FUT8: variants seen among roughly 807,000 people sequenced by gnomAD.
FUT8 encodes the protein alpha-(1,6)-fucosyltransferase.
A neutral mutation model predicts 71.3 loss-of-function variants in FUT8; 29 were observed. The ratio of observed to expected loss-of-function variants is 0.41; its 90% CI spans 0.30 to 0.55. The LOEUF (loss-of-function observed/expected upper bound fraction) is 0.55. Ranked by LOEUF, FUT8 falls within the 20% of genes least tolerant of loss-of-function variation. The probability of loss-of-function intolerance (pLI) is 0.34; values close to 1 mark genes in which losing one functional copy is unlikely to be tolerated. For synonymous variants in FUT8, 254 were observed against 239.3 expected (o/e 1.06, Z -0.57); for missense variants, 544 against 702.1 (o/e 0.77, Z 2.55).
At chr14:65,650,298 C>CAAAAAAAAAAAA (rs869168766) in intron 6 of FUT8, among the ~76,000 whole-genome samples, 2 of 39,692 alleles carry the variant, frequency 5.0e-5, no homozygotes, top group African/African-American at 2.6e-4. Context: ...GACTCTGTCT[C>CAAAAAAAAAAAA]AAAAAAAAAA....
chr14:65,713,069 G>A (rs1008459439), intron 7 of FUT8, among the ~76,000 whole-genome samples: 1 of 152,100 alleles, frequency 6.6e-6, no homozygotes. Context: ...ACCTTTTCCA[G>A]CCTCTGGTCA....
chr14:65,398,375 A>T, the FUT8 span, among the ~76,000 whole-genome samples: 1 of 152,112 alleles, frequency 6.6e-6, no homozygotes, highest in African/African-American at 2.4e-5. Context: ...TCTGCTTATT[A>T]AAAAAATTAC....
chr14:65,598,028 C>T (rs770845706), intron 3 of FUT8, among the ~76,000 whole-genome samples: 5 of 151,978 alleles, frequency 3.3e-5, no homozygotes, highest in Non-Finnish European at 7.4e-5. Context: ...ATACAATTAG[C>T]TGGGCATGGT....
intron 2 of FUT8, among the ~76,000 whole-genome samples, chr14:65,505,306 GTTTTTTTTTTTTTTT>G (rs1001286768): frequency 4.2e-5 from 4 of 95,768 alleles, no homozygotes; most frequent in Non-Finnish European, 5.9e-5. Flanking sequence ...CTACATTTCA[GTTTTTTTTTTTTTTT>G]TTTTTTTTTG....
chr14:65,460,623 T>C (rs1222553894), intron 2 of FUT8, among the ~76,000 whole-genome samples: 1 of 152,204 alleles, frequency 6.6e-6, no homozygotes, highest in Non-Finnish European at 1.5e-5. Context: ...TATCTGATGC[T>C]AGCTTACCAG....
chr14:65,493,540 A>G (rs2066514787), intron 2 of FUT8, among the ~76,000 whole-genome samples: 1 of 152,172 alleles, frequency 6.6e-6, no homozygotes, highest in Non-Finnish European at 1.5e-5. Flanking sequence ...AGTCTCAGGT[A>G]CTGTGCTAAA....
chr14:65,500,479 AGGTCTTCTCTT>A (rs1242909999), intron 2 of FUT8, among the ~76,000 whole-genome samples: 3 of 152,176 alleles, frequency 2.0e-5, no homozygotes, highest in Non-Finnish European at 2.9e-5. Context: ...GCTACATTTT[AGGTCTTCTCTT>A]ACTTTGTTGT....
the FUT8 span, among the ~76,000 whole-genome samples, chr14:65,395,497 G>A: frequency 6.6e-6 from 1 of 152,224 alleles, no homozygotes; most frequent in Non-Finnish European, 1.5e-5. Flanking sequence ...GTATCTGCAG[G>A]CTCAATACAA....
the FUT8 span, among the ~76,000 whole-genome samples, chr14:65,359,565 C>A: frequency 6.6e-6 from 1 of 152,272 alleles, no homozygotes; most frequent in South Asian, 2.1e-4. Context: ...TTTCACTACT[C>A]CAAGTATGTT....
chr14:65,622,340 C>T (rs1889658748), intron 5 of FUT8, among the ~76,000 whole-genome samples: 1 of 152,122 alleles, frequency 6.6e-6, no homozygotes, highest in Non-Finnish European at 1.5e-5. Context: ...AAATACTTTA[C>T]CTAGTGCGTG....
chr14:65,563,486 C>G (rs888267901), intron 3 of FUT8, among the ~76,000 whole-genome samples: 9 of 152,132 alleles, frequency 5.9e-5, no homozygotes, highest in Admixed American at 2.6e-4. Flanking sequence ...AACCTAAACT[C>G]TGAATAACTG....
chr14:65,693,288 C>T (rs1040722811), intron 7 of FUT8, among the ~76,000 whole-genome samples: 7 of 152,266 alleles, frequency 4.6e-5, no homozygotes, highest in African/African-American at 7.2e-5. Context: ...GCGGATCACT[C>T]GCGGTTAGGA....
chr14:65,415,384 G>T (rs983743995), intron 1 of FUT8, among the ~76,000 whole-genome samples: 1 of 152,024 alleles, frequency 6.6e-6, no homozygotes, highest in African/African-American at 2.4e-5. Flanking sequence ...CTTTTCATGC[G>T]CTGCAATAAT....
intron 8 of FUT8, 86 bp downstream of exon 8, chr14:65,722,107 T>G: frequency 6.7e-7 from 1 of 1,495,622 alleles, no homozygotes; most frequent in Non-Finnish European, 9.0e-7. Context: ...TTTTACAATA[T>G]GTAGTTCAAT....
the FUT8 span, among the ~76,000 whole-genome samples, chr14:65,361,139 T>G: frequency 6.6e-6 from 1 of 151,240 alleles, no homozygotes; most frequent in Non-Finnish European, 1.5e-5. Flanking sequence ...AGGCGGATCA[T>G]GAGGTCAGGA....
At chr14:65,692,360 G>GC (rs1893671606) in intron 7 of FUT8, among the ~76,000 whole-genome samples, 1 of 145,000 alleles carries the variant, frequency 6.9e-6, no homozygotes, top group African/African-American at 2.5e-5. Flanking sequence ...GCGGGGGGCT[G>GC]ACCCCCCCAC....
chr14:65,383,734 A>C, the FUT8 span, among the ~76,000 whole-genome samples: 1 of 152,130 alleles, frequency 6.6e-6, no homozygotes, highest in Non-Finnish European at 1.5e-5. Context: ...CTTTGCGTAT[A>C]CTATTCTCTT....
At chr14:65,486,438 G>T (rs1189484100) in intron 2 of FUT8, among the ~76,000 whole-genome samples, 4 of 152,170 alleles carry the variant, frequency 2.6e-5, no homozygotes, top group Non-Finnish European at 2.9e-5. Context: ...ATGGGAGACA[G>T]CTATAGAATA....
intron 2 of FUT8, among the ~76,000 whole-genome samples, chr14:65,515,586 C>G (rs1427032296): frequency 6.6e-6 from 1 of 151,466 alleles, no homozygotes; most frequent in East Asian, 1.9e-4. Context: ...AAATAATAAA[C>G]CAATATTAAA....
Sources: gnomAD v4.1 joint callset for allele counts (sites outside exome capture counted in the v4.1 genomes callset) on GRCh38, gnomAD v4.1.1 for gene constraint, MANE v1.5 for transcripts, NCBI Gene and HGNC (gene_info 2026-07-23, HGNC 2026-07-21) for gene names.